The following GARIN5A variants were observed in gnomAD, a reference collection of about 807,000 sequenced individuals.
GARIN5A encodes the protein Golgi-associated RAB2 interactor protein 5A.
chr19:50,475,018 G>A, the GARIN5A span, among the ~76,000 whole-genome samples: 1 of 152,232 alleles, frequency 6.6e-6, no homozygotes, highest in African/African-American at 2.4e-5. Flanking sequence ...TATGAGGTCA[G>A]AGGTGAGATC....
At chr19:50,472,084 GTGTATA>G in the GARIN5A span, among the ~76,000 whole-genome samples, 1,199 of 92,518 alleles carry the variant, frequency 0.013, 35 homozygotes, top group African/African-American at 0.049. Flanking sequence ...ATATACATGT[GTGTATA>G]TGTATATGTA....
chr19:50,472,122 A>ATACGTGTGTATATGCATG, the GARIN5A span, among the ~76,000 whole-genome samples: 2 of 133,414 alleles, frequency 1.5e-5, no homozygotes, highest in South Asian at 2.2e-4. Flanking sequence ...GTATATGTAT[A>ATACGTGTGTATATGCATG]TATACGTGTG....
At chr19:50,470,265 G>A in the GARIN5A span, among the ~76,000 whole-genome samples, 3 of 152,226 alleles carry the variant, frequency 2.0e-5, no homozygotes, top group Non-Finnish European at 4.4e-5. Flanking sequence ...TGTAATCGCA[G>A]CACTTTGGGA....
At chr19:50,475,261 G>T in the GARIN5A span, 1 of 1,514,282 alleles carries the variant, frequency 6.6e-7, no homozygotes, top group Non-Finnish European at 8.8e-7. Flanking sequence ...GGGAGGTACT[G>T]CTGGGGGCTC....
the GARIN5A span, chr19:50,476,100 A>T: frequency 1.2e-6 from 2 of 1,610,680 alleles, no homozygotes; most frequent in Non-Finnish European, 8.5e-7. Flanking sequence ...ACCAGGTCCA[A>T]CCCCTCTAGG....
chr19:50,472,437 A>G, the GARIN5A span, among the ~76,000 whole-genome samples: 5 of 152,098 alleles, frequency 3.3e-5, no homozygotes, highest in Non-Finnish European at 7.4e-5. Context: ...AGCAAGCTCA[A>G]TGTTCTCACT....
chr19:50,476,542 G>A, the GARIN5A span: 27 of 1,572,260 alleles, frequency 1.7e-5, no homozygotes, highest in Non-Finnish European at 2.1e-5. Flanking sequence ...GGAAGAAGCC[G>A]AGATGGCGGC....
the GARIN5A span, among the ~76,000 whole-genome samples, chr19:50,473,411 C>T: frequency 6.6e-6 from 1 of 151,910 alleles, no homozygotes; most frequent in Non-Finnish European, 1.5e-5. Context: ...GGCTGGAGTG[C>T]AGTGGTGTGA....
the GARIN5A span, among the ~76,000 whole-genome samples, chr19:50,474,764 G>T: frequency 2.0e-5 from 3 of 151,866 alleles, no homozygotes; most frequent in Non-Finnish European, 4.4e-5. Context: ...TGGGATTACA[G>T]GTGTGGGCCA....
the GARIN5A span, among the ~76,000 whole-genome samples, chr19:50,469,979 T>C: frequency 6.6e-6 from 1 of 152,136 alleles, no homozygotes; most frequent in African/African-American, 2.4e-5. Context: ...ACCCAGTTTT[T>C]CCCCCGACAA....
the GARIN5A span, among the ~76,000 whole-genome samples, chr19:50,472,663 GGGA>G: frequency 6.6e-6 from 1 of 152,146 alleles, no homozygotes; most frequent in Non-Finnish European, 1.5e-5. Context: ...GGGAGGTTGA[GGGA>G]GGAGGATTGC....
chr19:50,468,086 C>T, the GARIN5A span, among the ~76,000 whole-genome samples: 5 of 152,324 alleles, frequency 3.3e-5, no homozygotes, highest in Admixed American at 6.5e-5. Context: ...TGGGGCCAGG[C>T]GTGGTGGCTC....
At chr19:50,474,245 T>C in the GARIN5A span, among the ~76,000 whole-genome samples, 1 of 151,644 alleles carries the variant, frequency 6.6e-6, no homozygotes, top group African/African-American at 2.4e-5. Flanking sequence ...AGTGGGATGA[T>C]CTCGGCTCAC....
the GARIN5A span, chr19:50,467,601 C>T: frequency 1.3e-6 from 2 of 1,550,548 alleles, no homozygotes; most frequent in Non-Finnish European, 1.7e-6. Flanking sequence ...CATCACCCTC[C>T]CCATCTACAT....
chr19:50,468,978 C>T, the GARIN5A span, among the ~76,000 whole-genome samples: 1 of 152,210 alleles, frequency 6.6e-6, no homozygotes, highest in Admixed American at 6.5e-5. Flanking sequence ...CCACCTGCCT[C>T]AGCCCTCAGT....
chr19:50,469,410 C>A, the GARIN5A span, among the ~76,000 whole-genome samples: 1 of 152,170 alleles, frequency 6.6e-6, no homozygotes. Flanking sequence ...GCCCCACAGG[C>A]CTTGCCCATC....
chr19:50,471,712 G>GTGTATACGCATACATGCACGTGTTAT, the GARIN5A span, among the ~76,000 whole-genome samples: 1 of 150,238 alleles, frequency 6.7e-6, no homozygotes, highest in African/African-American at 2.4e-5. Flanking sequence ...ATGCACGTGT[G>GTGTATACGCATACATGCACGTGTTAT]TGTATACGCA....
chr19:50,471,731 CGTGT>C, the GARIN5A span, among the ~76,000 whole-genome samples: 4 of 75,000 alleles, frequency 5.3e-5, no homozygotes, highest in Non-Finnish European at 9.9e-5. Context: ...CATACATGCA[CGTGT>C]GTGTATACGC....
chr19:50,476,142 C>T, the GARIN5A span: 1 of 1,613,558 alleles, frequency 6.2e-7, no homozygotes, highest in Admixed American at 1.7e-5. Flanking sequence ...GCCATCCCAC[C>T]TGGTTCCACC....
Sources: allele counts gnomAD v4.1 joint callset (sites outside exome capture counted in the v4.1 genomes callset), GRCh38; gene constraint gnomAD v4.1.1; transcripts MANE v1.5; gene names NCBI Gene and HGNC (gene_info 2026-07-23, HGNC 2026-07-21).